The following DIP2C variants were observed in gnomAD, a reference collection of about 807,000 sequenced individuals.
The protein encoded by DIP2C is DIP2 acetate--CoA ligase C (putative), also known as disco-interacting protein 2 homolog C.
In DIP2C, 33 loss-of-function variants were observed where a neutral mutation model predicts 192.4. The ratio of observed to expected loss-of-function variants is 0.17; its 90% CI spans 0.13 to 0.23. The LOEUF (loss-of-function observed/expected upper bound fraction) is 0.23, where lower values mean the gene tolerates loss of function less well. DIP2C is among the 10% of genes least tolerant of loss of function. The pLI, the probability that DIP2C is intolerant of heterozygous loss-of-function variation, is 1.00. For synonymous variants in DIP2C, 979 were observed against 864.1 expected, an observed-to-expected ratio of 1.13 and a Z score of -2.33; for missense variants, 1,537 against 2,110.1, an observed-to-expected ratio of 0.73 and a Z score of 5.32.
At chr10:649,763 A>G (rs533042462) in intron 1 of DIP2C, among the ~76,000 whole-genome samples, 9 of 152,240 alleles carry the variant, frequency 5.9e-5, no homozygotes, top group Non-Finnish European at 1.2e-4. Flanking sequence ...AAAATCCCCA[A>G]TCACTTGCCA....
intron 28 of DIP2C, among the ~76,000 whole-genome samples, chr10:341,603 C>G (rs924718322): frequency 6.6e-6 from 1 of 152,300 alleles, no homozygotes; most frequent in East Asian, 1.9e-4. Flanking sequence ...CGGGACAATA[C>G]GGGGCTGCAC....
intron 4 of DIP2C, among the ~76,000 whole-genome samples, chr10:425,805 A>C (rs1241772921): frequency 1.3e-5 from 2 of 152,266 alleles, no homozygotes; most frequent in Non-Finnish European, 2.9e-5. Flanking sequence ...TAGGAGACAT[A>C]GAAAAGTACT....
At chr10:569,577 G>T (rs1849655479) in intron 1 of DIP2C, among the ~76,000 whole-genome samples, 1 of 151,808 alleles carries the variant, frequency 6.6e-6, no homozygotes, top group Non-Finnish European at 1.5e-5. Context: ...TCGGTTAAAT[G>T]ATACTCATTT....
intron 1 of DIP2C, among the ~76,000 whole-genome samples, chr10:502,344 C>CA (rs1441464696): frequency 1.3e-5 from 2 of 151,968 alleles, no homozygotes; most frequent in African/African-American, 4.8e-5. Context: ...CATGAGTGTT[C>CA]AAAGGAAAAT....
At chr10:668,338 GCACT>G (rs1312938337) in intron 1 of DIP2C, 1 of 150,428 alleles carries the variant, frequency 6.6e-6, no homozygotes, top group African/African-American at 2.5e-5. Context: ...CATGTACAAG[GCACT>G]CACACAACAC....
At chr10:579,399 A>C (rs11253258) in intron 1 of DIP2C, among the ~76,000 whole-genome samples, 7,577 of 152,180 alleles carry the variant, frequency 0.05, 240 homozygotes, top group East Asian at 0.083. Context: ...GTGTACACAC[A>C]TCCAGATCCA....
intron 3 of DIP2C, among the ~76,000 whole-genome samples, chr10:454,421 CACCCCTCAA>C (rs2133347700): frequency 6.6e-6 from 1 of 152,232 alleles, no homozygotes; most frequent in African/African-American, 2.4e-5. Flanking sequence ...AAAATGTCAG[CACCCCTCAA>C]ACCCCTCAGA....
intron 1 of DIP2C, among the ~76,000 whole-genome samples, chr10:578,987 A>G (rs908746503): frequency 1.3e-5 from 2 of 152,160 alleles, no homozygotes; most frequent in East Asian, 1.9e-4. Context: ...TAGTGTACAT[A>G]TGTAGGTACA....
intron 4 of DIP2C, among the ~76,000 whole-genome samples, chr10:425,655 T>C (rs1230166864): frequency 6.6e-6 from 1 of 151,946 alleles, no homozygotes; most frequent in East Asian, 1.9e-4. Context: ...CAGTGGTGAC[T>C]AATATGACAC....
Position 563,060 on chromosome 10 carries a change from T to C in DIP2C, c.86-76530A>G, listed in dbSNP as rs140697559. ...ACCTACACTGCCTACAAGTGCTCTC[T>C]GGGCAGTATTGTGTCTTTGTTTAGA... On this transcript the variant is annotated intron_variant, in intron 1 of 36. Transcript: ENST00000280886. Among the ~76,000 whole-genome samples, 122 of 152,370 alleles carry C rather than the reference T, an allele frequency of 8.0e-4. No individual in the cohort carries two copies. In the East Asian group the frequency reaches 0.013, roughly 16 times the overall value.
intron 1 of DIP2C, among the ~76,000 whole-genome samples, chr10:524,733 A>G (rs932427165): frequency 3.3e-5 from 5 of 152,152 alleles, no homozygotes; most frequent in African/African-American, 1.2e-4. Flanking sequence ...GAGATTCTAT[A>G]ACTTGCTACC....
chr10:364,734 G>A (rs965921734), intron 19 of DIP2C, 152 bp from the exon 20 acceptor site: 1 of 824,856 alleles, frequency 1.2e-6, no homozygotes, highest in African/African-American at 1.7e-5. Context: ...AGTGACCGCT[G>A]GTGGCCAACA....
chr10:339,107 A>G (rs1264056574), intron 29 of DIP2C, among the ~76,000 whole-genome samples: 1 of 151,932 alleles, frequency 6.6e-6, no homozygotes. Context: ...AGGCGTCCTC[A>G]AATTTACACC....
At chr10:613,194 T>A (rs2131789968) in intron 1 of DIP2C, among the ~76,000 whole-genome samples, 1 of 152,354 alleles carries the variant, frequency 6.6e-6, no homozygotes, top group Admixed American at 6.5e-5. Flanking sequence ...AATTCAGATT[T>A]CTAATTTCAT....
chr10:544,939 G>C (rs1169935257), intron 1 of DIP2C, among the ~76,000 whole-genome samples: 1 of 151,962 alleles, frequency 6.6e-6, no homozygotes, highest in Non-Finnish European at 1.5e-5. Flanking sequence ...TCAGTTGCTT[G>C]TTATGCTTTA....
At chr10:589,312 TTTTATATTAAAAG>T (rs1851268549) in intron 1 of DIP2C, among the ~76,000 whole-genome samples, 1 of 152,202 alleles carries the variant, frequency 6.6e-6, no homozygotes, top group Admixed American at 6.5e-5. Flanking sequence ...TAGGGGTGTC[TTTTATATTAAAAG>T]TTTAATTTTG....
intron 1 of DIP2C, among the ~76,000 whole-genome samples, chr10:548,403 CG>C (rs1482924011): frequency 7.5e-6 from 1 of 134,008 alleles, no homozygotes; most frequent in Non-Finnish European, 1.6e-5. Context: ...AACAGCCCCT[CG>C]GGAGGGCAGT....
In DIP2C at chr10:600,822, C is replaced by A. The variant is rs571642158; in HGVS notation, c.85+88672G>T. 7.9e-5 allele frequency among the ~76,000 whole-genome samples: 12 copies of A among 152,344 alleles called. 1 individual carries two copies. In the South Asian group the frequency reaches 1.9e-3, roughly 24 times the overall value. ...CCAAGTAAGGGCAATTTTATAACCA[C>A]GTCTCAACCATAAGAGAATCAGGTC... On this transcript the variant is annotated intron_variant, in intron 1 of 36. Transcript: ENST00000280886.
intron 5 of DIP2C, among the ~76,000 whole-genome samples, chr10:421,375 C>T (rs1277872887): frequency 6.6e-6 from 1 of 152,208 alleles, no homozygotes; most frequent in Non-Finnish European, 1.5e-5. Context: ...CTGCCCATTT[C>T]CTTAAAATTG....
Sources: allele counts gnomAD v4.1 joint callset (sites outside exome capture counted in the v4.1 genomes callset), GRCh38; gene constraint gnomAD v4.1.1; transcripts MANE v1.5; gene names NCBI Gene and HGNC (gene_info 2026-07-23, HGNC 2026-07-21).